SV2C: variants seen among roughly 807,000 people sequenced by gnomAD.
SV2C encodes solute carrier family 22 member B3.
In SV2C, 49 loss-of-function variants were observed where a neutral mutation model predicts 79.7. The ratio of observed to expected loss-of-function variants is 0.61; its 90% CI spans 0.49 to 0.78. The LOEUF (loss-of-function observed/expected upper bound fraction) is 0.78, where lower values mean the gene tolerates loss of function less well. SV2C is among the 30% of genes least tolerant of loss of function. The probability of loss-of-function intolerance (pLI) is 0.00; values close to 1 mark genes in which losing one functional copy is unlikely to be tolerated. For missense variants in SV2C, 833 were observed against 912.9 expected (o/e 0.91, Z 1.13); for synonymous variants, 334 against 333.2 (o/e 1.00, Z -0.03).
intron 10 of SV2C, among the ~76,000 whole-genome samples, chr5:76,300,124 G>T (rs543528559): frequency 2.6e-5 from 4 of 151,082 alleles, no homozygotes; most frequent in East Asian, 1.9e-4. Context: ...GTACAGTGGC[G>T]CAATCACAGC....
At chr5:76,170,118 G>C (rs1184956921) in intron 2 of SV2C, among the ~76,000 whole-genome samples, 1 of 148,566 alleles carries the variant, frequency 6.7e-6, no homozygotes, top group Non-Finnish European at 1.5e-5. Context: ...TTTAATTAAG[G>C]CTTTTAGTTT....
At chr5:75,852,653 T>A in the SV2C span, among the ~76,000 whole-genome samples, 1 of 151,658 alleles carries the variant, frequency 6.6e-6, no homozygotes, top group Non-Finnish European at 1.5e-5. Context: ...AAGAACTGCC[T>A]TCTCTACTAA....
intron 2 of SV2C, among the ~76,000 whole-genome samples, chr5:76,160,288 A>G (rs988009817): frequency 1.3e-5 from 2 of 152,200 alleles, no homozygotes; most frequent in African/African-American, 4.8e-5. Flanking sequence ...TCAAAAAAGA[A>G]GGACAAACTA....
chr5:76,106,020 G>A (rs1747898152), intron 1 of SV2C, among the ~76,000 whole-genome samples: 1 of 151,988 alleles, frequency 6.6e-6, no homozygotes, highest in Admixed American at 6.6e-5. Context: ...TCTATCCCCT[G>A]AACTTCAGCT....
At chr5:76,084,393 C>T (rs1203037009) in intron 1 of SV2C, among the ~76,000 whole-genome samples, 2 of 152,174 alleles carry the variant, frequency 1.3e-5, no homozygotes, top group African/African-American at 4.8e-5. Context: ...TTTTCCCCTT[C>T]CGCCTGGGTT....
the SV2C span, among the ~76,000 whole-genome samples, chr5:76,041,957 G>C: frequency 6.6e-6 from 1 of 152,100 alleles, no homozygotes; most frequent in Non-Finnish European, 1.5e-5. Flanking sequence ...CGCTCCCCCT[G>C]CTTTGCCTTC....
intron 1 of SV2C, among the ~76,000 whole-genome samples, chr5:76,112,557 G>A (rs751516029): frequency 1.3e-5 from 2 of 152,162 alleles, no homozygotes; most frequent in Non-Finnish European, 2.9e-5. Context: ...CACACCTTTG[G>A]TGAGTTTTTT....
At chr5:75,868,668 G>A in the SV2C span, among the ~76,000 whole-genome samples, 1 of 152,160 alleles carries the variant, frequency 6.6e-6, no homozygotes, top group Admixed American at 6.5e-5. Flanking sequence ...ATAAGCTGAG[G>A]GTGGTGACAT....
chr5:76,187,631 C>A (rs962688244), intron 2 of SV2C, among the ~76,000 whole-genome samples: 6 of 151,878 alleles, frequency 4.0e-5, no homozygotes, highest in African/African-American at 1.2e-4. Context: ...TTGTGAAAGT[C>A]CACAGATGCT....
chr5:76,169,870 T>C (rs1361345610), intron 2 of SV2C, among the ~76,000 whole-genome samples: 2 of 152,158 alleles, frequency 1.3e-5, no homozygotes, highest in Non-Finnish European at 2.9e-5. Context: ...AGAAAGATTG[T>C]GTCTGGTAGT....
the SV2C span, among the ~76,000 whole-genome samples, chr5:75,964,807 A>C: frequency 6.6e-6 from 1 of 152,142 alleles, no homozygotes; most frequent in Non-Finnish European, 1.5e-5. Context: ...TACCATATTA[A>C]TGGAGTCTTG....
At chr5:76,235,693 GA>G (rs1266837868) in intron 4 of SV2C, among the ~76,000 whole-genome samples, 1 of 145,118 alleles carries the variant, frequency 6.9e-6, no homozygotes, top group East Asian at 1.9e-4. Flanking sequence ...AAGGGATTAA[GA>G]TTTTTTTTCA....
At chr5:75,852,493 T>C in the SV2C span, among the ~76,000 whole-genome samples, 1 of 152,050 alleles carries the variant, frequency 6.6e-6, no homozygotes, top group Non-Finnish European at 1.5e-5. Context: ...AAAAAGATAA[T>C]GGAATGACAT....
At chr5:76,278,247 T>G (rs569777813) in intron 4 of SV2C, among the ~76,000 whole-genome samples, 1 of 151,526 alleles carries the variant, frequency 6.6e-6, no homozygotes, top group Non-Finnish European at 1.5e-5. Flanking sequence ...GAGGTCTTGA[T>G]GAGTGGGAAA....
chr5:75,877,267 T>C, the SV2C span, among the ~76,000 whole-genome samples: 18,887 of 151,956 alleles, frequency 0.12, 1,368 homozygotes, highest in African/African-American at 0.22. Context: ...TGTATGCACC[T>C]AGAAATAGAG....
chr5:76,224,430 A>G (rs1745180882), intron 4 of SV2C, among the ~76,000 whole-genome samples: 1 of 152,154 alleles, frequency 6.6e-6, no homozygotes, highest in African/African-American at 2.4e-5. Flanking sequence ...TTTATCATTA[A>G]CCTAATTAGA....
chr5:75,937,671 C>T, the SV2C span, among the ~76,000 whole-genome samples: 8 of 152,012 alleles, frequency 5.3e-5, no homozygotes, highest in Non-Finnish European at 1.2e-4. Context: ...ATAACGTCAC[C>T]ACACTCCAGC....
chr5:76,189,195 T>C (rs1421158071), intron 2 of SV2C, among the ~76,000 whole-genome samples: 1 of 149,754 alleles, frequency 6.7e-6, no homozygotes, highest in Non-Finnish European at 1.5e-5. Flanking sequence ...AGGATTTTTC[T>C]AGCATAAAAT....
At position 76,131,662 on chromosome 5, in the gene SV2C, C is replaced by A. The variant is rs1019436428; in HGVS notation, c.-89C>A. The A allele has an allele frequency of 6.3e-6, 7 of 1,105,826 alleles. No homozygotes were observed. The highest frequency in any genetic ancestry group is 9.0e-6 in the Non-Finnish European group (7 of 781,150). The allele number at this position is 1,105,826 out of a possible 1,614,324, so 68.5% of individuals were successfully genotyped here. A position where few individuals can be genotyped will look rare whatever the true frequency, so the allele number is the denominator to read the frequency against. ...TCTTCTTTCGCAGTTCTGTTTTGAA[C>A]CCAAAGTGGATGATGCTGTCAGAGC... On this transcript the variant is annotated 5_prime_UTR_variant, in exon 2 of 13. Coordinates refer to ENST00000502798, the MANE Select transcript of SV2C (RefSeq NM_014979.4).
Sources: allele counts gnomAD v4.1 joint callset (sites outside exome capture counted in the v4.1 genomes callset), GRCh38; gene constraint gnomAD v4.1.1; transcripts MANE v1.5; gene names NCBI Gene and HGNC (gene_info 2026-07-23, HGNC 2026-07-21).